The following FANCL variants were observed in gnomAD, a reference collection of about 807,000 sequenced individuals.
FANCL encodes FA complementation group L.
In FANCL, 69 loss-of-function variants were observed where a neutral mutation model predicts 59.4. The ratio of observed to expected loss-of-function variants is 1.16; its 90% CI spans 0.96 to 1.42. FANCL has a LOEUF of 1.42. Among genes scored for constraint, FANCL ranks in the 40% most tolerant of loss-of-function variants. The probability of loss-of-function intolerance (pLI) is 0.00; values close to 1 mark genes in which losing one functional copy is unlikely to be tolerated. For missense variants in FANCL, 519 were observed against 447.2 expected (o/e 1.16, Z -1.45); for synonymous variants, 180 against 147.1 (o/e 1.22, Z -1.62).
chr2:58,166,901 T>C (rs1298644165), intron 7 of FANCL, among the ~76,000 whole-genome samples: 3 of 152,212 alleles, frequency 2.0e-5, no homozygotes, highest in Non-Finnish European at 4.4e-5. Flanking sequence ...TCAACTGTTC[T>C]AACCTTCTAC....
chr2:58,224,448 T>C (rs1692780650), intron 4 of FANCL, among the ~76,000 whole-genome samples: 1 of 151,850 alleles, frequency 6.6e-6, no homozygotes, highest in Admixed American at 6.6e-5. Context: ...ATTTATGAAC[T>C]CATAAATCAA....
intron 5 of FANCL, among the ~76,000 whole-genome samples, chr2:58,218,861 A>G (rs1692117429): frequency 6.6e-6 from 1 of 151,944 alleles, no homozygotes; most frequent in Non-Finnish European, 1.5e-5. Flanking sequence ...ATCAGTATAA[A>G]ATCATGTTTA....
At chr2:58,174,691 G>T (rs996418221) in intron 7 of FANCL, among the ~76,000 whole-genome samples, 2 of 152,064 alleles carry the variant, frequency 1.3e-5, no homozygotes, top group African/African-American at 4.8e-5. Context: ...AAGCAGCAAA[G>T]ATCCAAAATT....
At chr2:58,174,325 C>G (rs1687030541) in intron 7 of FANCL, among the ~76,000 whole-genome samples, 3 of 152,286 alleles carry the variant, frequency 2.0e-5, no homozygotes, top group African/African-American at 7.2e-5. Flanking sequence ...CCCAAATCAA[C>G]AGAATATACA....
chr2:58,215,185 C>T (rs573110316), intron 5 of FANCL, among the ~76,000 whole-genome samples: 84 of 152,318 alleles, frequency 5.5e-4, no homozygotes, highest in African/African-American at 1.8e-3. Context: ...TCCATGACAT[C>T]AATGCCTCAA....
intron 7 of FANCL, among the ~76,000 whole-genome samples, chr2:58,171,675 C>T (rs1055702957): frequency 1.3e-5 from 2 of 152,166 alleles, no homozygotes; most frequent in African/African-American, 4.8e-5. Flanking sequence ...CCAGGGTGAG[C>T]GACGCAGAAG....
chr2:58,232,754 A>G (rs1377603538), intron 1 of FANCL, among the ~76,000 whole-genome samples: 2 of 152,026 alleles, frequency 1.3e-5, no homozygotes, highest in Non-Finnish European at 2.9e-5. Flanking sequence ...AAGACCTCTG[A>G]GACATTTATT....
chr2:58,241,308 C>G lies in FANCL; in HGVS notation c.6G>C (p.Ala2=), dbSNP rs781559042. 1 of 1,614,130 alleles carries G rather than the reference C, an allele frequency of 6.2e-7. No homozygotes were observed. Among genetic ancestry groups the G allele is most frequent in the Non-Finnish European group, 8.5e-7 (1 of 1,180,030 alleles). Residue 2 remains alanine (A), a synonymous_variant, in exon 1 of 14, where the codon GCG becomes GCC. Transcript: ENST00000233741. M[A]VTEASLLRQC... ...GGCGCAACAGGCTCGCTTCCGTCAC[C>G]GCCATGGCTCGAAGTCCGGAGAAAC...
intron 7 of FANCL, among the ~76,000 whole-genome samples, chr2:58,178,242 G>C (rs912462103): frequency 6.6e-6 from 1 of 152,102 alleles, no homozygotes; most frequent in Non-Finnish European, 1.5e-5. Flanking sequence ...TATGAGGCCT[G>C]CATCATCCTG....
intron 1 of FANCL, among the ~76,000 whole-genome samples, chr2:58,239,814 A>G (rs765296461): frequency 2.0e-5 from 3 of 152,208 alleles, no homozygotes; most frequent in Non-Finnish European, 4.4e-5. Context: ...AATGGAGAAA[A>G]TGTAAACTGG....
At chr2:58,212,497 G>T (rs1023258594) in intron 5 of FANCL, among the ~76,000 whole-genome samples, 1 of 151,882 alleles carries the variant, frequency 6.6e-6, no homozygotes, top group Non-Finnish European at 1.5e-5. Context: ...AGACTGACAG[G>T]GGCCAAAACA....
intron 5 of FANCL, 32 bp downstream of exon 5, chr2:58,221,910 G>T: frequency 1.4e-6 from 2 of 1,410,400 alleles, no homozygotes; most frequent in South Asian, 1.2e-5. Context: ...ATAAAACAAA[G>T]GCATTTAAAA....
chr2:58,189,222 A>G lies in FANCL; in HGVS notation c.540+9372T>C, dbSNP rs966263739. On this transcript the variant is annotated intron_variant, in intron 7 of 13. Transcript: ENST00000233741. ...GTGTAGATATTTGTCAAAACTCAGCAAAGTGTACACCTTAAATACATTCAG... is the reference window on the plus strand; with the variant it reads ...GTGTAGATATTTGTCAAAACTCAGCGAAGTGTACACCTTAAATACATTCAG... Among the ~76,000 whole-genome samples the G allele has an allele frequency of 3.3e-5, 5 of 151,976 alleles. 1 individual carries two copies. Among genetic ancestry groups the G allele is most frequent in the South Asian group, 4.2e-4 (2 of 4,810 alleles).
chr2:58,222,718 T>A (rs1052616000), intron 4 of FANCL, among the ~76,000 whole-genome samples: 28 of 152,206 alleles, frequency 1.8e-4, no homozygotes, highest in African/African-American at 6.3e-4. Flanking sequence ...TTGCTGAAGC[T>A]AAAATTACCA....
At chr2:58,168,490 G>A (rs1686194150) in intron 7 of FANCL, among the ~76,000 whole-genome samples, 1 of 152,086 alleles carries the variant, frequency 6.6e-6, no homozygotes, top group Non-Finnish European at 1.5e-5. Context: ...TTTCACCAGG[G>A]CCCTGGGTTT....
At chr2:58,199,999 A>G (rs1422412559) in intron 6 of FANCL, among the ~76,000 whole-genome samples, 1 of 152,008 alleles carries the variant, frequency 6.6e-6, no homozygotes, top group East Asian at 1.9e-4. Flanking sequence ...AAGATTTACT[A>G]TCAATATACA....
intron 8 of FANCL, 152 bp from the exon 9 acceptor site, chr2:58,163,669 A>T: frequency 1.6e-6 from 1 of 621,362 alleles, no homozygotes; most frequent in Non-Finnish European, 2.9e-6. Flanking sequence ...AATGGTAAAT[A>T]TAATTGAACC....
chr2:58,239,931 A>G (rs1694359058), intron 1 of FANCL, among the ~76,000 whole-genome samples: 1 of 152,206 alleles, frequency 6.6e-6, no homozygotes, highest in Admixed American at 6.5e-5. Flanking sequence ...TAAAATGTTT[A>G]AGATTTAAAT....
At chr2:58,176,840 G>A (rs1251611377) in intron 7 of FANCL, among the ~76,000 whole-genome samples, 1 of 152,082 alleles carries the variant, frequency 6.6e-6, no homozygotes, top group Non-Finnish European at 1.5e-5. Flanking sequence ...AGAGTGAACA[G>A]GCAACCTACA....
Sources: allele counts gnomAD v4.1 joint callset (sites outside exome capture counted in the v4.1 genomes callset), GRCh38; gene constraint gnomAD v4.1.1; transcripts MANE v1.5; gene names NCBI Gene and HGNC (gene_info 2026-07-23, HGNC 2026-07-21).